NSMCE2: variants seen among roughly 807,000 people sequenced by gnomAD.
NSMCE2 encodes the protein E3 SUMO-protein ligase NSE2.
In NSMCE2, 24 loss-of-function variants were observed where a neutral mutation model predicts 23.8. The ratio of observed to expected loss-of-function variants is 1.01; its 90% CI spans 0.73 to 1.42. NSMCE2 has a LOEUF of 1.42. Among genes scored for constraint, NSMCE2 ranks in the 40% most tolerant of loss-of-function variants. NSMCE2 has a pLI of 0.00. For synonymous variants in NSMCE2, 92 were observed against 94.1 expected, an observed-to-expected ratio of 0.98 and a Z score of 0.13; for missense variants, 284 against 296.5, an observed-to-expected ratio of 0.96 and a Z score of 0.31.
intron 5 of NSMCE2, among the ~76,000 whole-genome samples, chr8:125,237,355 G>GT (rs1413445098): frequency 6.6e-6 from 1 of 152,178 alleles, no homozygotes; most frequent in African/African-American, 2.4e-5. Context: ...CAGAATAGCA[G>GT]TTTTTCTGTC....
chr8:125,106,179 G>A (rs769008886), intron 3 of NSMCE2, among the ~76,000 whole-genome samples: 6 of 152,216 alleles, frequency 3.9e-5, no homozygotes, highest in South Asian at 2.1e-4. Context: ...ACATAAACAA[G>A]TATTAAGTAG....
intron 3 of NSMCE2, among the ~76,000 whole-genome samples, chr8:125,141,651 C>G (rs933786423): frequency 3.3e-5 from 5 of 152,224 alleles, no homozygotes; most frequent in African/African-American, 7.2e-5. Flanking sequence ...TCCTTCTCCT[C>G]TCTTCATTCC....
chr8:125,362,932 C>G (rs1340611457), intron 7 of NSMCE2: 11 of 152,168 alleles, frequency 7.2e-5, no homozygotes, highest in Admixed American at 7.2e-4. Flanking sequence ...ATGATGTCAT[C>G]AGGAAGTCCT....
intron 3 of NSMCE2, among the ~76,000 whole-genome samples, chr8:125,105,098 G>A (rs942671579): frequency 2.0e-5 from 3 of 152,136 alleles, no homozygotes; most frequent in African/African-American, 7.2e-5. Flanking sequence ...TTCCCTTATT[G>A]CAGTAATTAC....
At chr8:125,232,724 T>C (rs1001009866) in intron 5 of NSMCE2, among the ~76,000 whole-genome samples, 1 of 152,216 alleles carries the variant, frequency 6.6e-6, no homozygotes, top group Non-Finnish European at 1.5e-5. Context: ...ACCTCCCCTT[T>C]CTTATGTTAT....
At chr8:125,264,087 G>A (rs991652104) in intron 5 of NSMCE2, among the ~76,000 whole-genome samples, 6 of 152,088 alleles carry the variant, frequency 3.9e-5, no homozygotes, top group South Asian at 2.1e-4. Context: ...TTTCTCCAAC[G>A]AACATAGAGA....
intron 3 of NSMCE2, among the ~76,000 whole-genome samples, chr8:125,145,967 G>A (rs952909574): frequency 6.6e-6 from 1 of 152,158 alleles, no homozygotes; most frequent in African/African-American, 2.4e-5. Context: ...GATGTGAAAG[G>A]TCACTTTTCA....
chr8:125,122,051 A>C (rs150035978), intron 3 of NSMCE2, among the ~76,000 whole-genome samples: 346 of 152,068 alleles, frequency 2.3e-3, no homozygotes, highest in Non-Finnish European at 3.4e-3. Context: ...CTCAGTGTAG[A>C]TAGCTCTTTT....
At chr8:125,316,763 CCT>C (rs1489861663) in intron 5 of NSMCE2, among the ~76,000 whole-genome samples, 35 of 144,766 alleles carry the variant, frequency 2.4e-4, no homozygotes, top group African/African-American at 8.1e-4. Flanking sequence ...TTCCTTCCTT[CCT>C]TCCTTCTCTC....
intron 3 of NSMCE2, among the ~76,000 whole-genome samples, chr8:125,130,874 A>G (rs1407782326): frequency 6.6e-6 from 1 of 152,176 alleles, no homozygotes; most frequent in African/African-American, 2.4e-5. Context: ...CGTCCACTGT[A>G]CATTTGCTTC....
At chr8:125,115,981 A>G (rs1818989446) in intron 3 of NSMCE2, among the ~76,000 whole-genome samples, 1 of 152,218 alleles carries the variant, frequency 6.6e-6, no homozygotes, top group Admixed American at 6.5e-5. Flanking sequence ...GAAACAACTT[A>G]CCATAAGGCA....
At chr8:125,168,897 T>C (rs780069689) in intron 4 of NSMCE2, among the ~76,000 whole-genome samples, 8 of 152,216 alleles carry the variant, frequency 5.3e-5, no homozygotes, top group Non-Finnish European at 1.5e-5. Flanking sequence ...CTAACACTGT[T>C]TGAGGTGCTT....
chr8:125,338,237 A>G (rs2131317347), intron 5 of NSMCE2, among the ~76,000 whole-genome samples: 1 of 152,172 alleles, frequency 6.6e-6, no homozygotes, highest in African/African-American at 2.4e-5. Flanking sequence ...CTAAATGGCA[A>G]ACAGTTGTCT....
Position 125,275,904 on chromosome 8 carries a change from A to G in NSMCE2, c.419-81315A>G, listed in dbSNP as rs1171678205. Among the ~76,000 whole-genome samples the G allele has an allele frequency of 2.0e-5, 3 of 152,144 alleles. No homozygotes were observed. In the East Asian group the frequency reaches 5.8e-4, roughly 29 times the overall value. On this transcript the variant is annotated intron_variant, in intron 5 of 7. Transcript: ENST00000287437. Reference sequence around the variant, plus strand: ...AAGTGTCTTCACTTTTTCCAGTCCAATAACTCTGTTATGTCTTTAGCCCGA... The same window carrying G: ...AAGTGTCTTCACTTTTTCCAGTCCAGTAACTCTGTTATGTCTTTAGCCCGA...
At chr8:125,203,117 C>T (rs1318211299) in intron 5 of NSMCE2, among the ~76,000 whole-genome samples, 1 of 151,614 alleles carries the variant, frequency 6.6e-6, no homozygotes, top group Non-Finnish European at 1.5e-5. Context: ...AGTAGGGATT[C>T]CTTTATAGAT....
intron 5 of NSMCE2, among the ~76,000 whole-genome samples, chr8:125,240,896 G>C (rs767873828): frequency 6.6e-6 from 1 of 152,048 alleles, no homozygotes; most frequent in Non-Finnish European, 1.5e-5. Flanking sequence ...TGCACCCCTG[G>C]TATCTATTTA....
At chr8:125,115,984 A>G (rs1376628263) in intron 3 of NSMCE2, among the ~76,000 whole-genome samples, 2 of 152,262 alleles carry the variant, frequency 1.3e-5, no homozygotes, top group Admixed American at 1.3e-4. Context: ...ACAACTTACC[A>G]TAAGGCACAC....
In NSMCE2 at chr8:125,324,799, C is replaced by T. The variant is rs192699526; in HGVS notation, c.419-32420C>T. Among the ~76,000 whole-genome samples the T allele has an allele frequency of 3.5e-3, 237 of 68,500 alleles. 36 individuals carry two copies. Among genetic ancestry groups the T allele is most frequent in the African/African-American group, 7.6e-3 (235 of 31,034 alleles). 44.9% of individuals were successfully genotyped at this position (68,500 alleles called of 152,430 possible). A position where few individuals can be genotyped will look rare whatever the true frequency, so the allele number is the denominator to read the frequency against. On this transcript the variant is annotated intron_variant, in intron 5 of 7. Transcript: ENST00000287437. ...CCATGTTAGACAGGATGGTCTCGAT[C>T]TCCTGACCTCGTGATCCGCCCGCCT...
At chr8:125,172,283 T>A (rs1403597651) in intron 4 of NSMCE2, among the ~76,000 whole-genome samples, 2 of 152,224 alleles carry the variant, frequency 1.3e-5, no homozygotes, top group Non-Finnish European at 2.9e-5. Context: ...GTATTCTTGC[T>A]GCAGGGAAAG....
Sources: allele counts gnomAD v4.1 joint callset (sites outside exome capture counted in the v4.1 genomes callset), GRCh38; gene constraint gnomAD v4.1.1; transcripts MANE v1.5; gene names NCBI Gene and HGNC (gene_info 2026-07-23, HGNC 2026-07-21).